The following PTPRD variants were observed in gnomAD, a reference collection of about 807,000 sequenced individuals.
The protein encoded by PTPRD is protein tyrosine phosphatase receptor type D, also known as receptor-type tyrosine-protein phosphatase delta.
Under a neutral mutation model 214.5 loss-of-function variants are expected in PTPRD, and 34 were observed. The observed-to-expected ratio is 0.16, with a 90% CI of 0.12 to 0.21. The LOEUF is 0.21. Among genes scored for constraint, PTPRD ranks in the 10% least tolerant of loss-of-function variants. The pLI, the probability that PTPRD is intolerant of heterozygous loss-of-function variation, is 1.00. For synonymous variants in PTPRD, 1,128 were observed against 845.7 expected (o/e 1.33, Z -5.79); for missense variants, 2,545 against 2,398.7 (o/e 1.06, Z -1.27).
chr9:10,352,566 G>A (rs10116396), intron 2 of PTPRD, among the ~76,000 whole-genome samples: 1,629 of 152,090 alleles, frequency 0.011, 31 homozygotes, highest in African/African-American at 0.037. Context: ...ATGAAATATA[G>A]ATCAGAAGGA....
chr9:10,170,573 G>A (rs2099196035), intron 3 of PTPRD, among the ~76,000 whole-genome samples: 1 of 152,000 alleles, frequency 6.6e-6, no homozygotes, highest in Non-Finnish European at 1.5e-5. Context: ...TGTAGTCCCA[G>A]CTACTCTGGA....
intron 14 of PTPRD, among the ~76,000 whole-genome samples, chr9:8,613,800 G>C (rs1252924859): frequency 6.6e-6 from 1 of 152,106 alleles, no homozygotes; most frequent in Non-Finnish European, 1.5e-5. Flanking sequence ...AACTGGTTTA[G>C]TTGTTTTTCT....
At chr9:10,531,269 G>A (rs1314807292) in intron 2 of PTPRD, among the ~76,000 whole-genome samples, 1 of 152,060 alleles carries the variant, frequency 6.6e-6, no homozygotes, top group African/African-American at 2.4e-5. Context: ...AATTTTAATG[G>A]AAAATGGGAT....
At chr9:8,815,433 G>C (rs59813335) in intron 11 of PTPRD, among the ~76,000 whole-genome samples, 4,280 of 152,218 alleles carry the variant, frequency 0.028, 203 homozygotes, top group African/African-American at 0.098. Context: ...AACCAGCAGG[G>C]TCATTTCAGG....
intron 8 of PTPRD, among the ~76,000 whole-genome samples, chr9:9,504,195 A>T (rs1400088260): frequency 2.6e-5 from 4 of 151,852 alleles, no homozygotes; most frequent in Middle Eastern, 3.4e-3. Context: ...AAAATTTATA[A>T]AGACATTCTT....
intron 7 of PTPRD, among the ~76,000 whole-genome samples, chr9:9,692,162 C>A (rs946793965): frequency 6.6e-6 from 1 of 151,978 alleles, no homozygotes; most frequent in South Asian, 2.1e-4. Flanking sequence ...GCTTTGGTTG[C>A]CTATGCTTGT....
intron 11 of PTPRD, among the ~76,000 whole-genome samples, chr9:8,836,897 G>A (rs760887264): frequency 6.6e-6 from 1 of 151,792 alleles, no homozygotes; most frequent in Non-Finnish European, 1.5e-5. Context: ...ACAACCTTTA[G>A]AACTAGCTCT....
At chr9:9,807,360 A>C (rs1419338753) in intron 5 of PTPRD, among the ~76,000 whole-genome samples, 1 of 152,136 alleles carries the variant, frequency 6.6e-6, no homozygotes, top group African/African-American at 2.4e-5. Context: ...ACTTATGTGA[A>C]GATAAGTATT....
Position 8,337,892 on chromosome 9 carries a change from G to T in PTPRD, c.5379+1030C>A, listed in dbSNP as rs147299139. The stretch of plus-strand genomic sequence containing the variant: ...AGCACTATTTTTTTTTTTTTTAAAC[G>T]GTGGGGCAGGTTACACTCAAGACCT... On this transcript the variant is annotated intron_variant, in intron 43 of 45. Transcript: ENST00000381196. Among the ~76,000 whole-genome samples the T allele has an allele frequency of 3.9e-4, 58 of 150,310 alleles. No homozygotes were observed. In the East Asian group the frequency reaches 9.6e-3, roughly 25 times the overall value.
chr9:10,602,554 G>A (rs111982765), intron 2 of PTPRD, among the ~76,000 whole-genome samples: 2,719 of 151,758 alleles, frequency 0.018, 38 homozygotes, highest in Middle Eastern at 0.054. Context: ...AGTGATCAAC[G>A]TATGAGAAAG....
chr9:8,322,967 AG>A (rs1457682768), intron 44 of PTPRD, among the ~76,000 whole-genome samples: 1 of 152,206 alleles, frequency 6.6e-6, no homozygotes, highest in Non-Finnish European at 1.5e-5. Context: ...CTCAAGTGAA[AG>A]GAAGAGTTAT....
intron 3 of PTPRD, among the ~76,000 whole-genome samples, chr9:10,281,786 G>T (rs919342616): frequency 6.6e-5 from 10 of 152,048 alleles, no homozygotes; most frequent in African/African-American, 2.4e-4. Context: ...ACGTACTGAA[G>T]GTCAGGACTA....
chr9:10,242,042 G>T (rs958901749), intron 3 of PTPRD, among the ~76,000 whole-genome samples: 4 of 151,904 alleles, frequency 2.6e-5, no homozygotes, highest in African/African-American at 9.7e-5. Context: ...AAGAAACTCA[G>T]ACAAGAGGAA....
At chr9:9,549,134 TTATAAAAG>T (rs1172740882) in intron 8 of PTPRD, among the ~76,000 whole-genome samples, 1 of 151,988 alleles carries the variant, frequency 6.6e-6, no homozygotes, top group Non-Finnish European at 1.5e-5. Context: ...AAGCACAAAC[TTATAAAAG>T]AAAAAAAGCT....
intron 3 of PTPRD, among the ~76,000 whole-genome samples, chr9:10,053,102 G>C (rs1190540884): frequency 1.3e-5 from 2 of 152,140 alleles, no homozygotes; most frequent in East Asian, 1.9e-4. Context: ...TTTTGCCCTT[G>C]AGATGCTGAT....
intron 2 of PTPRD, among the ~76,000 whole-genome samples, chr9:10,556,334 GAA>G (rs368428592): frequency 2.0e-5 from 3 of 149,112 alleles, no homozygotes; most frequent in Non-Finnish European, 4.5e-5. Flanking sequence ...AAATATTTAG[GAA>G]AAAAAAACAT....
chr9:9,325,670 T>C (rs973530475), intron 9 of PTPRD, among the ~76,000 whole-genome samples: 4 of 152,178 alleles, frequency 2.6e-5, no homozygotes, highest in African/African-American at 7.2e-5. Context: ...TTTTCCTAAG[T>C]GAATACCCTT....
chr9:9,670,359 G>C (rs2096803861), intron 7 of PTPRD, among the ~76,000 whole-genome samples: 1 of 152,124 alleles, frequency 6.6e-6, no homozygotes, highest in Non-Finnish European at 1.5e-5. Flanking sequence ...TTTTAGTTTT[G>C]TAAGGGGAGC....
rs921929990 is a variant in PTPRD at position 10,365,607 on chromosome 9, C to T, written c.-599-24590G>A. On this transcript the variant is annotated intron_variant, in intron 2 of 45. Transcript: ENST00000381196. ...TATTTTCTGAGACACTCCAGATTAT[C>T]GACTTCTAGCAGGCAAGGGATTCTC... 2.6e-5 allele frequency among the ~76,000 whole-genome samples: 4 copies of T among 152,016 alleles called. No homozygotes were observed. The South Asian group carries it at 8.3e-4, about 31-fold the overall frequency.
Sources: gnomAD v4.1 joint callset for allele counts (sites outside exome capture counted in the v4.1 genomes callset) on GRCh38, gnomAD v4.1.1 for gene constraint, MANE v1.5 for transcripts, NCBI Gene and HGNC (gene_info 2026-07-23, HGNC 2026-07-21) for gene names.